The following MAMDC4 variants were observed in gnomAD, a reference collection of about 807,000 sequenced individuals.
The protein encoded by MAMDC4 is apical endosomal glycoprotein.
Under a neutral mutation model 153.3 loss-of-function variants are expected in MAMDC4, and 168 were observed. The ratio of observed to expected loss-of-function variants is 1.10; its 90% CI spans 0.97 to 1.25. The LOEUF (loss-of-function observed/expected upper bound fraction) is 1.25. Among genes scored for constraint, MAMDC4 ranks in the 50% most tolerant of loss-of-function variants. MAMDC4 has a pLI of 0.00. For synonymous variants in MAMDC4, 744 were observed against 651.5 expected, an observed-to-expected ratio of 1.14 and a Z score of -2.16; for missense variants, 1,701 against 1,542.8, an observed-to-expected ratio of 1.10 and a Z score of -1.72.
chr9:136,852,565 C>T, intron 1 of MAMDC4, 103 bp downstream of exon 1: 2 of 1,423,250 alleles, frequency 1.4e-6, no homozygotes, highest in Non-Finnish European at 2.0e-6. Context: ...GCCTGAGCCC[C>T]AAAGGGAAGG....
intron 16 of MAMDC4, 56 bp from the exon 17 acceptor site, chr9:136,857,109 G>A (rs1849016895): frequency 1.2e-6 from 2 of 1,605,182 alleles, no homozygotes; most frequent in South Asian, 1.1e-5. Context: ...CCCCCGCTCT[G>A]ACACCCATCA....
Position 136,857,212 on chromosome 9 carries a change from TGGTCGC to T in MAMDC4, c.2025_2030del (p.Arg676_Ser677del), listed in dbSNP as rs773822040. 3 of 1,611,822 alleles carry T rather than the reference TGGTCGC, an allele frequency of 1.9e-6. No homozygotes were observed. The highest frequency in any genetic ancestry group is 2.5e-6 in the Non-Finnish European group (3 of 1,179,600). ...ACGGGAAGGGGAGGAGACACACCTG[TGGTCGC>T]GGTCAGGCACCCAGGGCAACCGCTG... On this transcript the variant is annotated inframe_deletion, in exon 17 of 27. Transcript: ENST00000317446.
Position 136,855,728 on chromosome 9 carries a change from C to G in MAMDC4, c.1472-4C>G, listed in dbSNP as rs1478837082. On this transcript the variant is annotated splice_region_variant and splice_polypyrimidine_tract_variant and intron_variant, in intron 12 of 26. Coordinates refer to ENST00000317446, the MANE Select transcript of MAMDC4 (RefSeq NM_206920.3). ...CTGCCATTCAGTGCCGGCTGCTGTT[C>G]CAGGCACCACAGACTTTGAGTCCCC... 2 of 1,575,856 alleles carry G rather than the reference C, an allele frequency of 1.3e-6. No homozygotes were observed. Among genetic ancestry groups the G allele is most frequent in the Non-Finnish European group, 1.7e-6 (2 of 1,161,890 alleles).
In MAMDC4 at chr9:136,856,987, G is replaced by C; in HGVS notation, c.1918G>C (p.Ala640Pro). Residue 640 changes from alanine to proline, a missense_variant, in exon 16 of 27, where the codon GCA (alanine) becomes CCA (proline). Physicochemically the swap from Ala to Pro is conservative, Grantham distance 27. Transcript: ENST00000317446. ...AHLLSRPQVP[A>P]APTECLSFWY... ...CCTGCTCTCCAGGCCCCAGGTGCCA[G>C]CAGCACCCACGGAGTGTCTCAGCTT... is the stretch of plus-strand genomic sequence containing the variant. 1.2e-6 allele frequency: 2 copies of C among 1,612,534 alleles called. No individual in the cohort carries two copies. The highest frequency in any genetic ancestry group is 2.2e-5 in the South Asian group (2 of 91,028).
At chr9:136,859,422 G>A in intron 25 of MAMDC4, 105 bp downstream of exon 25, 3 of 1,012,860 alleles carry the variant, frequency 3.0e-6, no homozygotes, top group South Asian at 1.6e-5. Context: ...CTGCGAGCAT[G>A]CTGCACCCAG....
chr9:136,853,694 C>T (rs371355225), intron 4 of MAMDC4, 24 bp downstream of exon 4: 51 of 773,120 alleles, frequency 6.6e-5, no homozygotes, highest in Non-Finnish European at 9.2e-5. Context: ...CCCCAAGGCT[C>T]GTGGGGGGTG....
Position 136,857,298 on chromosome 9 carries a change from G to A in MAMDC4, c.2106G>A (p.Gln702=), listed in dbSNP as rs745559403. ...SHQPGSHAQY[Q]LLFEGLRDGY... ...AGCCTGGCTCCCATGCCCAGTACCA[G>A]GTGAGGCCTGGCACCCGGGTGGGAG... The change falls in exon 17 of 27, where the codon CAG becomes CAA. Residue 702 remains glutamine, a splice_region_variant and synonymous_variant. Coordinates refer to ENST00000317446, the MANE Select transcript of MAMDC4 (RefSeq NM_206920.3). The A allele has an allele frequency of 4.4e-6, 7 of 1,604,338 alleles. No individual in the cohort carries two copies. Among genetic ancestry groups the A allele is most frequent in the Non-Finnish European group, 6.0e-6 (7 of 1,176,420 alleles).
intron 1 of MAMDC4, among the ~76,000 whole-genome samples, 178 bp downstream of exon 1, chr9:136,852,640 C>T (rs1478989554): frequency 1.3e-5 from 2 of 152,212 alleles, no homozygotes; most frequent in Non-Finnish European, 2.9e-5. Context: ...CCCATGGGGT[C>T]CTCGGGCCTG....
Position 136,854,638 on chromosome 9 carries a change from C to A in MAMDC4, c.896C>A (p.Ser299Tyr). Residue 299 changes from serine (S) to tyrosine (Y), a missense_variant, in exon 8 of 27, where the codon TCC becomes TAC. By Grantham distance (144) the Ser-to-Tyr change is moderately radical. Coordinates refer to ENST00000317446, the MANE Select transcript of MAMDC4 (RefSeq NM_206920.3). Reference sequence around the variant, plus strand: ...CGCGCTGGTGGTCCTGAGCGCCCCTCCTGGCCACGCCGTGACCACAGCCGG... The same window carrying A: ...CGCGCTGGTGGTCCTGAGCGCCCCTACTGGCCACGCCGTGACCACAGCCGG... Reference protein sequence around the residue: ...NHRAGGPERPSWPRRDHSRNS... With the variant: ...NHRAGGPERPYWPRRDHSRNS... 1 of 1,609,208 alleles carries A rather than the reference C, an allele frequency of 6.2e-7. No individual in the cohort carries two copies. The highest frequency in any genetic ancestry group is 8.5e-7 in the Non-Finnish European group (1 of 1,178,612).
intron 25 of MAMDC4, chr9:136,859,575 C>G (rs921331398): frequency 1.9e-5 from 11 of 590,946 alleles, no homozygotes; most frequent in Non-Finnish European, 3.3e-5. Context: ...TCTGTGCTCC[C>G]TGTGCCCACA....
In MAMDC4 at chr9:136,854,310, T is replaced by C; in HGVS notation, c.770T>C (p.Leu257Pro). ...LCDGEDNCGD[L>P]SDENPLTCGR... ...GACGGGGAAGACAACTGCGGGGACC[T>C]GTCTGATGAGAACCCACTCACCTGT... Residue 257 changes from leucine to proline, a missense_variant, in exon 7 of 27, where the codon CTG becomes CCG. By Grantham distance (98) the Leu-to-Pro change is moderately conservative. Coordinates refer to ENST00000317446, the MANE Select transcript of MAMDC4 (RefSeq NM_206920.3). 1 of 1,590,736 alleles carries C rather than the reference T, an allele frequency of 6.3e-7. No individual in the cohort carries two copies. The highest frequency in any genetic ancestry group is 1.8e-5 in the Admixed American group (1 of 56,970).
rs763498554 is a variant in MAMDC4 at position 136,853,411 on chromosome 9, T to C, written c.281T>C (p.Leu94Pro). Residue 94 changes from leucine to proline, a missense_variant, in exon 3 of 27, where the codon CTG becomes CCG. Leu to Pro is a moderately conservative substitution (Grantham distance 98). Coordinates refer to ENST00000317446, the MANE Select transcript of MAMDC4 (RefSeq NM_206920.3). ...SWLRDRAGAA[L>P]EGPGPHSDHT... ...CTCCGAGACAGGGCAGGGGCCGCAC[T>C]GGAGGGTCCTGGGCCTCACTCAGAC... 4 of 1,603,682 alleles carry C rather than the reference T, an allele frequency of 2.5e-6. No individual in the cohort carries two copies. The South Asian group carries it at 4.4e-5, about 18-fold the overall frequency.
Position 136,857,279 on chromosome 9 carries a change from G to T in MAMDC4, c.2087G>T (p.Gly696Val). ...TGGGCCACCCTTTCCCACCAGCCTG[G>T]CTCCCATGCCCAGTACCAGGTGAGG... ...EAWATLSHQP[G>V]SHAQYQLLFE... Residue 696 changes from glycine (G) to valine (V), a missense_variant, in exon 17 of 27, where the codon GGC (glycine) becomes GTC (valine). Physicochemically the swap from Gly to Val is moderately radical, Grantham distance 109. Transcript: ENST00000317446. 6.2e-7 allele frequency: 1 copy of T among 1,602,544 alleles called. No homozygotes were observed. The highest frequency in any genetic ancestry group is 8.5e-7 in the Non-Finnish European group (1 of 1,175,322).
At chr9:136,853,746 C>T (rs377697433) in intron 4 of MAMDC4, 31 bp from the exon 5 acceptor site, 57 of 1,606,270 alleles carry the variant, frequency 3.5e-5, no homozygotes, top group African/African-American at 1.2e-4. Context: ...CAAGCAGGGC[C>T]GCAGCTGCCC....
rs746159646 is a variant in MAMDC4 at position 136,859,293 on chromosome 9, T to C, written c.3169T>C (p.Cys1057Arg). 3 of 1,611,434 alleles carry C rather than the reference T, an allele frequency of 1.9e-6. No individual in the cohort carries two copies. The Admixed American group carries it at 5.0e-5, about 27-fold the overall frequency. Residue 1057 changes from cysteine (C) to arginine (R), a missense_variant, in exon 25 of 27, where the codon TGC becomes CGC. By Grantham distance (180) the Cys-to-Arg change is radical. Coordinates refer to ENST00000317446, the MANE Select transcript of MAMDC4 (RefSeq NM_206920.3). The stretch of plus-strand genomic sequence containing the variant: ...CGTGGAGTATCTGGCTGGGCAGCAT[T>C]GCCAGCAGCCTGCCCCCAGCCCGGG... ...DDVEYLAGQH[C>R]QQPAPSPGNT...
At position 136,855,103 on chromosome 9, in the gene MAMDC4, C is replaced by A; in HGVS notation, c.1190C>A (p.Pro397His). 1 of 1,575,300 alleles carries A rather than the reference C, an allele frequency of 6.3e-7. No individual in the cohort carries two copies. Among genetic ancestry groups the A allele is most frequent in the Non-Finnish European group, 8.6e-7 (1 of 1,160,868 alleles). The change falls in exon 10 of 27, where the codon CCC (proline) becomes CAC (histidine). Residue 397 changes from proline (P) to histidine (H), a missense_variant. Pro to His is a moderately conservative substitution (Grantham distance 77, BLOSUM62 -2). Transcript: ENST00000317446. ...RDRVDIQSAY[P>H]FQILLAGQTG... is the part of the protein sequence containing the mutation. ...CGTGTTGACATCCAGAGCGCCTACC[C>A]CTTCCAGGTAGGGAACAGCAAGAGG...
At chr9:136,856,183 C>T (rs905772621) in intron 14 of MAMDC4, 34 bp downstream of exon 14, 5 of 1,611,526 alleles carry the variant, frequency 3.1e-6, no homozygotes, top group Non-Finnish European at 4.2e-6. Flanking sequence ...CCTGGCCAGC[C>T]CCTGGGTGCT....
rs770579487 is a variant in MAMDC4, at chr9:136,859,871, C to T, written c.3194-15C>T. The T allele has an allele frequency of 1.2e-6, 2 of 1,611,006 alleles. No individual in the cohort carries two copies. The highest frequency in any genetic ancestry group is 1.7e-6 in the Non-Finnish European group (2 of 1,179,850). ...GGGCTGCTTTGGAGGGCTCACATGT[C>T]CCTATGGCCCACAGGGAACACAGCC... On this transcript the variant is annotated splice_polypyrimidine_tract_variant and intron_variant, in intron 25 of 26. Coordinates refer to ENST00000317446, the MANE Select transcript of MAMDC4 (RefSeq NM_206920.3).
rs1311783286 is a variant in MAMDC4 at position 136,858,506 on chromosome 9, C to A, written c.2781C>A (p.Tyr927Ter). The change falls in exon 22 of 27, where the codon TAC (tyrosine) becomes TAA (stop). Residue 927 changes from tyrosine (Y) to a stop codon, truncating the protein, a stop_gained. Coordinates refer to ENST00000317446, the MANE Select transcript of MAMDC4 (RefSeq NM_206920.3). LOFTEE classifies it high-confidence loss of function. ...GCGGGGGAGCCACCCCCTCTCGTTA[C>A]CCCCAGCCCCCTGTGGACCACACCC... ...DWGGGATPSRYPQPPVDHTLG... is the reference protein window; with the variant it reads ...DWGGGATPSR 6.2e-7 allele frequency: 1 copy of A among 1,602,252 alleles called. No homozygotes were observed. Among genetic ancestry groups the A allele is most frequent in the Non-Finnish European group, 8.5e-7 (1 of 1,175,634 alleles).
Sources: gnomAD v4.1 joint callset for allele counts (sites outside exome capture counted in the v4.1 genomes callset) on GRCh38, gnomAD v4.1.1 for gene constraint, MANE v1.5 for transcripts, NCBI Gene and HGNC (gene_info 2026-07-23, HGNC 2026-07-21) for gene names.